The following EFNA5 variants were observed in gnomAD, a reference collection of about 807,000 sequenced individuals.
EFNA5 encodes ephrin-A5.
Under a neutral mutation model 22.9 loss-of-function variants are expected in EFNA5, and 5 were observed. That is an observed-to-expected ratio of 0.22 (90% CI 0.11 to 0.46). The LOEUF is 0.46. Among genes scored for constraint, EFNA5 ranks in the 20% least tolerant of loss-of-function variants. The probability of loss-of-function intolerance (pLI) is 0.99; values close to 1 mark genes in which losing one functional copy is unlikely to be tolerated. For synonymous variants in EFNA5, 113 were observed against 112.2 expected (o/e 1.01, Z -0.04); for missense variants, 237 against 293.3 (o/e 0.81, Z 1.40).
chr5:107,496,095 G>T (rs1746972122), intron 1 of EFNA5, among the ~76,000 whole-genome samples: 1 of 150,984 alleles, frequency 6.6e-6, no homozygotes, highest in Non-Finnish European at 1.5e-5. Flanking sequence ...GGAGGCCAAG[G>T]TGGGTGGATC....
At chr5:107,451,817 G>A (rs938229190) in intron 1 of EFNA5, among the ~76,000 whole-genome samples, 6 of 152,108 alleles carry the variant, frequency 3.9e-5, no homozygotes, top group Non-Finnish European at 5.9e-5. Context: ...ACAGTATGGC[G>A]ATTCCTCAAG....
At chr5:107,641,006 A>G (rs956891394) in intron 1 of EFNA5, among the ~76,000 whole-genome samples, 1 of 141,920 alleles carries the variant, frequency 7.0e-6, no homozygotes, top group Non-Finnish European at 1.6e-5. Context: ...ATAGATAGAT[A>G]GATAGATAGA....
Position 107,670,475 on chromosome 5 carries a change from T to C in EFNA5, c.125+14A>G. 1 of 1,554,452 alleles carries C rather than the reference T, an allele frequency of 6.4e-7. No homozygotes were observed. Among genetic ancestry groups the C allele is most frequent in the African/African-American group, 1.4e-5 (1 of 73,130 alleles). On this transcript the variant is annotated intron_variant, in intron 1 of 4. Transcript: ENST00000333274. ...GCCCGGGTAGCCCTGGCTCTCCGCC[T>C]GTTATCGGCTTACCTGGGGTTGCTG...
At chr5:107,657,927 A>C (rs1441908383) in intron 1 of EFNA5, among the ~76,000 whole-genome samples, 1 of 152,182 alleles carries the variant, frequency 6.6e-6, no homozygotes. Context: ...ACTTGTTAAT[A>C]CAAAGATTTG....
chr5:107,463,765 C>A (rs3905525), intron 1 of EFNA5, among the ~76,000 whole-genome samples: 1 of 152,132 alleles, frequency 6.6e-6, no homozygotes, highest in Admixed American at 6.6e-5. Flanking sequence ...GTGAGCTTTT[C>A]TGTATTTTTC....
chr5:107,637,637 A>G (rs886684399), intron 1 of EFNA5, among the ~76,000 whole-genome samples: 2 of 150,052 alleles, frequency 1.3e-5, no homozygotes, highest in Non-Finnish European at 3.0e-5. Flanking sequence ...CATATAGTGT[A>G]TGTGTGTGTG....
At chr5:107,521,181 A>C (rs1271196229) in intron 1 of EFNA5, among the ~76,000 whole-genome samples, 1 of 152,202 alleles carries the variant, frequency 6.6e-6, no homozygotes, top group Non-Finnish European at 1.5e-5. Context: ...AGCTAAGCCT[A>C]GCCTACCTTA....
At chr5:107,438,542 G>A (rs560345228) in intron 1 of EFNA5, among the ~76,000 whole-genome samples, 3 of 152,280 alleles carry the variant, frequency 2.0e-5, no homozygotes, top group African/African-American at 7.2e-5. Context: ...ACTGAGATAT[G>A]TCCAGGGGTT....
At chr5:107,472,153 A>C (rs948520994) in intron 1 of EFNA5, among the ~76,000 whole-genome samples, 12 of 152,186 alleles carry the variant, frequency 7.9e-5, no homozygotes, top group African/African-American at 2.7e-4. Context: ...TATTAAAGGA[A>C]ATAAAGACAA....
intron 2 of EFNA5, among the ~76,000 whole-genome samples, chr5:107,414,955 T>C (rs1748464966): frequency 1.3e-5 from 2 of 152,200 alleles, no homozygotes; most frequent in South Asian, 4.1e-4. Context: ...ACCAGTACTA[T>C]TTATAGAATA....
chr5:107,537,382 C>A (rs895282589), intron 1 of EFNA5, among the ~76,000 whole-genome samples: 2 of 150,872 alleles, frequency 1.3e-5, no homozygotes, highest in Admixed American at 1.3e-4. Context: ...GGGCAGATCA[C>A]GAGGTCAGGA....
At chr5:107,532,432 A>G (rs1747832118) in intron 1 of EFNA5, among the ~76,000 whole-genome samples, 1 of 152,248 alleles carries the variant, frequency 6.6e-6, no homozygotes, top group Non-Finnish European at 1.5e-5. Flanking sequence ...ATCCTCACAC[A>G]CATTCCAGCA....
chr5:107,426,632 C>T (rs73194992), intron 2 of EFNA5, among the ~76,000 whole-genome samples: 2,287 of 152,326 alleles, frequency 0.015, 59 homozygotes, highest in African/African-American at 0.051. Context: ...TCACTCAATG[C>T]TCACAGGTCG....
At chr5:107,515,196 C>T (rs1310550772) in intron 1 of EFNA5, among the ~76,000 whole-genome samples, 1 of 150,948 alleles carries the variant, frequency 6.6e-6, no homozygotes, top group African/African-American at 2.4e-5. Context: ...GCCACCACAC[C>T]TGGCTAATTT....
At chr5:107,503,993 T>G (rs1747196562) in intron 1 of EFNA5, among the ~76,000 whole-genome samples, 1 of 152,208 alleles carries the variant, frequency 6.6e-6, no homozygotes, top group Non-Finnish European at 1.5e-5. Context: ...TCCTCATTCT[T>G]CATGACTTAA....
intron 1 of EFNA5, among the ~76,000 whole-genome samples, chr5:107,634,635 C>T (rs1036099393): frequency 6.8e-6 from 1 of 146,298 alleles, no homozygotes; most frequent in African/African-American, 2.4e-5. Context: ...CTGACAGTAT[C>T]TGATATCAGG....
intron 1 of EFNA5, among the ~76,000 whole-genome samples, chr5:107,447,815 C>G (rs529048362): frequency 2.0e-5 from 3 of 152,052 alleles, no homozygotes; most frequent in South Asian, 4.2e-4. Flanking sequence ...AGGAGTTTGA[C>G]AGGCAATTAA....
At chr5:107,614,659 G>C (rs531852003) in intron 1 of EFNA5, among the ~76,000 whole-genome samples, 1 of 152,176 alleles carries the variant, frequency 6.6e-6, no homozygotes, top group South Asian at 2.1e-4. Context: ...TTAGCTTTCA[G>C]GATAGTCATG....
At chr5:107,602,788 G>A (rs571437175) in intron 1 of EFNA5, among the ~76,000 whole-genome samples, 10 of 152,092 alleles carry the variant, frequency 6.6e-5, no homozygotes, top group Non-Finnish European at 1.2e-4. Flanking sequence ...GTTCCCAGTC[G>A]TTAGACGTGG....
Sources: gnomAD v4.1 joint callset for allele counts (sites outside exome capture counted in the v4.1 genomes callset) on GRCh38, gnomAD v4.1.1 for gene constraint, MANE v1.5 for transcripts, NCBI Gene and HGNC (gene_info 2026-07-23, HGNC 2026-07-21) for gene names.